Variants in IMPACT observed in about 807,000 individuals in gnomAD.
IMPACT encodes the protein impact RWD domain protein, also known as protein IMPACT.
IMPACT carries 35 observed loss-of-function variants against 47.5 expected under a neutral mutation model. That is an observed-to-expected ratio of 0.74 (90% CI 0.56 to 0.98). The LOEUF is 0.98. Ranked by LOEUF, IMPACT falls within the 50% of genes least tolerant of loss-of-function variation. The pLI, the probability that IMPACT is intolerant of heterozygous loss-of-function variation, is 0.00. For synonymous variants in IMPACT, 118 were observed against 125.6 expected (o/e 0.94, Z 0.40); for missense variants, 373 against 394.8 (o/e 0.94, Z 0.47).
In IMPACT at chr18:24,452,685, T is replaced by C. The variant is rs1336180083; in HGVS notation, c.*1838T>C. On this transcript the variant is annotated 3_prime_UTR_variant, in exon 11 of 11. Coordinates refer to ENST00000284202, the MANE Select transcript of IMPACT (RefSeq NM_018439.4). The stretch of plus-strand genomic sequence containing the variant: ...AATGGAAACTTGAACTAATGATAGA[T>C]AGTATTTTTTTCCTCTATTTAAAAT... 2.0e-5 allele frequency: 3 copies of C among 152,182 alleles called. No individual in the cohort carries two copies. The highest frequency in any genetic ancestry group is 4.4e-5 in the Non-Finnish European group (3 of 68,024). 9.4% of individuals were successfully genotyped at this position (152,182 alleles called of 1,614,324 possible). A position where few individuals can be genotyped will look rare whatever the true frequency, so the allele number is the denominator to read the frequency against.
At chr18:24,443,984 A>G (rs998517163) in intron 7 of IMPACT, among the ~76,000 whole-genome samples, 2 of 152,186 alleles carry the variant, frequency 1.3e-5, no homozygotes. Context: ...TGGTCTTTGC[A>G]GCTACCCTAC....
At chr18:24,434,931 C>T (rs1324819457) in intron 4 of IMPACT, among the ~76,000 whole-genome samples, 4 of 143,856 alleles carry the variant, frequency 2.8e-5, no homozygotes, top group Non-Finnish European at 4.5e-5. Flanking sequence ...TATATAAAAG[C>T]TAGGATTTGG....
chr18:24,444,220 A>T (rs1339434592), intron 7 of IMPACT, among the ~76,000 whole-genome samples: 1 of 152,150 alleles, frequency 6.6e-6, no homozygotes, highest in East Asian at 1.9e-4. Flanking sequence ...GAATCTGTTT[A>T]TTCTGGATCC....
chr18:24,438,649 T>C (rs1316626383), intron 5 of IMPACT, among the ~76,000 whole-genome samples: 1 of 152,166 alleles, frequency 6.6e-6, no homozygotes, highest in Non-Finnish European at 1.5e-5. Context: ...AAATTTTTTC[T>C]ACAGACGAGG....
chr18:24,428,677 G>T (rs1908673814), intron 2 of IMPACT, among the ~76,000 whole-genome samples, 192 bp from the exon 3 acceptor site: 1 of 152,166 alleles, frequency 6.6e-6, no homozygotes, highest in East Asian at 1.9e-4. Flanking sequence ...TATTTCTTCT[G>T]AAAAGTACCC....
chr18:24,450,138 A>G lies in IMPACT; in HGVS notation c.894+185A>G, dbSNP rs571088342. ...CCAGTCACGTGACTTTGGACCGATC[A>G]CTTAATCCCTTCGCACCTTGATTTC... On this transcript the variant is annotated intron_variant, in intron 10 of 10. Transcript: ENST00000284202. 8.5e-5 allele frequency among the ~76,000 whole-genome samples: 13 copies of G among 152,310 alleles called. No individual in the cohort carries two copies. The East Asian group carries it at 2.1e-3, about 25-fold the overall frequency.
At position 24,428,905 on chromosome 18, in the gene IMPACT, CCTAT is replaced by C; in HGVS notation, c.206_209del (p.Ile69ThrfsTer3). 1 of 1,609,712 alleles carries C rather than the reference CCTAT, an allele frequency of 6.2e-7. No individual in the cohort carries two copies. The highest frequency in any genetic ancestry group is 8.5e-7 in the Non-Finnish European group (1 of 1,177,272). On this transcript the variant is annotated frameshift_variant, in exon 3 of 11. Transcript: ENST00000284202. LOFTEE classifies it high-confidence loss of function. ...GAATGAATACCCAGGTACAGCTCCA[CCTAT>C]CTACCAGTTGAAGTAAGCTGTATTT...
chr18:24,430,268 G>C, intron 3 of IMPACT, 54 bp from the exon 4 acceptor site: 2 of 1,187,096 alleles, frequency 1.7e-6, no homozygotes, highest in Non-Finnish European at 2.4e-6. Context: ...TCTGTAATTT[G>C]AGGTATAAAC....
At chr18:24,434,761 C>T (rs1314600935) in intron 4 of IMPACT, among the ~76,000 whole-genome samples, 1 of 48,604 alleles carries the variant, frequency 2.1e-5, no homozygotes, top group Admixed American at 2.4e-4. Context: ...AAAACTCTGT[C>T]TCAAAAAAAA....
intron 5 of IMPACT, among the ~76,000 whole-genome samples, chr18:24,439,115 A>C (rs1909024906): frequency 6.6e-6 from 1 of 152,190 alleles, no homozygotes; most frequent in African/African-American, 2.4e-5. Flanking sequence ...TAAGGCCATC[A>C]GCTGATTGGA....
At chr18:24,443,950 G>A (rs1215958016) in intron 7 of IMPACT, among the ~76,000 whole-genome samples, 22 of 152,118 alleles carry the variant, frequency 1.4e-4, no homozygotes, top group Admixed American at 1.4e-3. Flanking sequence ...TTTACTGCAG[G>A]TTTTAGGCAT....
In IMPACT at chr18:24,443,012, G is replaced by A. The variant is rs770351428; in HGVS notation, c.491-37G>A. 2.8e-5 allele frequency: 32 copies of A among 1,142,460 alleles called. No homozygotes were observed. The South Asian group carries it at 4.3e-4, about 15-fold the overall frequency. 70.8% of individuals were successfully genotyped at this position (1,142,460 alleles called of 1,614,324 possible). On this transcript the variant is annotated intron_variant, in intron 6 of 10. Transcript: ENST00000284202. Reference sequence around the variant, plus strand: ...CATTTTTTTCAGTATTTGAATGTAAGGCTTTTTAAAAAATAAAGTTTCTTT... The same window carrying A: ...CATTTTTTTCAGTATTTGAATGTAAAGCTTTTTAAAAAATAAAGTTTCTTT...
chr18:24,450,089 C>A, intron 10 of IMPACT, 136 bp downstream of exon 10: 3 of 868,122 alleles, frequency 3.5e-6, no homozygotes, highest in Non-Finnish European at 1.8e-6. Flanking sequence ...ACCTGGAGAC[C>A]TAGACTCTAA....
Position 24,451,232 on chromosome 18 carries a change from T to C in IMPACT, c.*385T>C, listed in dbSNP as rs1027427735. ...TGATTTCTTGTCATCGAGATTCTTG[T>C]ACTGTTAAATGAATATTGCCTTTTA... On this transcript the variant is annotated 3_prime_UTR_variant, in exon 11 of 11. Coordinates refer to ENST00000284202, the MANE Select transcript of IMPACT (RefSeq NM_018439.4). The C allele has an allele frequency of 6.4e-6, 1 of 156,116 alleles. No individual in the cohort carries two copies. Among genetic ancestry groups the C allele is most frequent in the Admixed American group, 6.5e-5 (1 of 15,408 alleles). The allele number at this position is 156,116 out of a possible 1,614,324, so 9.7% of individuals were successfully genotyped here.
intron 8 of IMPACT, 25 bp downstream of exon 8, chr18:24,445,491 T>TA: frequency 7.2e-7 from 1 of 1,384,800 alleles, no homozygotes; most frequent in South Asian, 1.3e-5. Flanking sequence ...CAAGCTTTAG[T>TA]ATACTCAGTT....
At chr18:24,443,968 T>A (rs138206592) in intron 7 of IMPACT, among the ~76,000 whole-genome samples, 1 of 152,326 alleles carries the variant, frequency 6.6e-6, no homozygotes, top group Non-Finnish European at 1.5e-5. Context: ...CATGAGTCTC[T>A]TCCTTTGGTC....
intron 9 of IMPACT, 149 bp downstream of exon 9, chr18:24,448,332 A>G: frequency 2.1e-6 from 1 of 487,276 alleles, no homozygotes; most frequent in Non-Finnish European, 3.7e-6. Context: ...TAAAATATTG[A>G]TTGAATGAAA....
At position 24,437,979 on chromosome 18, in the gene IMPACT, T is replaced by C. The variant is rs1269246600; in HGVS notation, c.306T>C (p.Leu102=). 3 of 1,574,874 alleles carry C rather than the reference T, an allele frequency of 1.9e-6. No homozygotes were observed. Among genetic ancestry groups the C allele is most frequent in the Non-Finnish European group, 8.7e-7 (1 of 1,155,138 alleles). Residue 102 remains leucine, a synonymous_variant, in exon 5 of 11, where the codon CTT becomes CTC. Transcript: ENST00000284202. ...IYIQNIGESI[L]YLWVEKIRDV... ...GTCAGAATATCGGTGAAAGTATTCT[T>C]TACCTGTGGGTGGAGAAAATAAGAG...
chr18:24,430,414 T>C, intron 4 of IMPACT, 30 bp downstream of exon 4: 1 of 1,504,066 alleles, frequency 6.6e-7, no homozygotes, highest in Non-Finnish European at 9.1e-7. Context: ...TTAAAATAAT[T>C]CTGTTAGTGA....
Sources: allele counts gnomAD v4.1 joint callset (sites outside exome capture counted in the v4.1 genomes callset), GRCh38; gene constraint gnomAD v4.1.1; transcripts MANE v1.5; gene names NCBI Gene and HGNC (gene_info 2026-07-23, HGNC 2026-07-21).